The following RFC1 variants were observed in gnomAD, a reference collection of about 807,000 sequenced individuals.
The protein encoded by RFC1 is A1 140 kDa subunit.
In RFC1, 37 loss-of-function variants were observed where a neutral mutation model predicts 137.4. The observed-to-expected ratio is 0.27, with a 90% CI of 0.21 to 0.35. The LOEUF (loss-of-function observed/expected upper bound fraction) is 0.35. RFC1 is among the 10% of genes least tolerant of loss of function. The probability of loss-of-function intolerance (pLI) is 1.00; values close to 1 mark genes in which losing one functional copy is unlikely to be tolerated. For missense variants in RFC1, 1,205 were observed against 1,358.5 expected, an observed-to-expected ratio of 0.89 and a Z score of 1.78; for synonymous variants, 429 against 455.7, an observed-to-expected ratio of 0.94 and a Z score of 0.75.
intron 6 of RFC1, among the ~76,000 whole-genome samples, chr4:39,324,446 G>A (rs1478537460): frequency 6.6e-6 from 1 of 152,212 alleles, no homozygotes; most frequent in Non-Finnish European, 1.5e-5. Flanking sequence ...GGAGAAGTCA[G>A]GTTCCTAAAA....
At chr4:39,334,265 C>G (rs1430959619) in intron 4 of RFC1, among the ~76,000 whole-genome samples, 1 of 152,102 alleles carries the variant, frequency 6.6e-6, no homozygotes, top group Non-Finnish European at 1.5e-5. Flanking sequence ...ACAGGCATAT[C>G]TGAAAACACT....
chr4:39,295,778 C>T lies in RFC1; in HGVS notation c.2809-19G>A. 8 of 1,604,738 alleles carry T rather than the reference C, an allele frequency of 5.0e-6. No individual in the cohort carries two copies. The highest frequency in any genetic ancestry group is 6.8e-6 in the Non-Finnish European group (8 of 1,175,444). On this transcript the variant is annotated intron_variant, in intron 21 of 24. Coordinates refer to ENST00000349703, the MANE Select transcript of RFC1 (RefSeq NM_002913.5). Reference sequence around the variant, plus strand: ...AAATGGCCTGAAAAAAAATCAATTGCAGTCCAGAATTTATGTTCCGTACAA... The same window carrying T: ...AAATGGCCTGAAAAAAAATCAATTGTAGTCCAGAATTTATGTTCCGTACAA...
chr4:39,355,638 A>G (rs1741435215), intron 1 of RFC1, among the ~76,000 whole-genome samples: 1 of 152,260 alleles, frequency 6.6e-6, no homozygotes, highest in African/African-American at 2.4e-5. Flanking sequence ...TAGAAGACTG[A>G]TAATGCCCAT....
chr4:39,330,114 A>G (rs1042525659), intron 4 of RFC1, among the ~76,000 whole-genome samples: 3 of 152,156 alleles, frequency 2.0e-5, no homozygotes, highest in Non-Finnish European at 4.4e-5. Context: ...CACTGTATCA[A>G]TTTGGTATGC....
At chr4:39,366,125 C>T (rs1742014880) in intron 1 of RFC1, 114 bp downstream of exon 1, 8 of 1,211,034 alleles carry the variant, frequency 6.6e-6, no homozygotes, top group Non-Finnish European at 7.9e-6. Flanking sequence ...TGCTAGCCTC[C>T]GGAACCACCC....
At chr4:39,351,548 G>C in intron 1 of RFC1, 72 bp from the exon 2 acceptor site, 1 of 1,349,252 alleles carries the variant, frequency 7.4e-7, no homozygotes, top group Non-Finnish European at 9.9e-7. Flanking sequence ...TTGTAAGATG[G>C]GACAGCTTTA....
intron 21 of RFC1, among the ~76,000 whole-genome samples, chr4:39,296,409 C>T (rs1266996082): frequency 9.9e-6 from 1 of 100,924 alleles, no homozygotes; most frequent in African/African-American, 3.8e-5. Flanking sequence ...CCCCTCCCCC[C>T]ACCCCACCAC....
chr4:39,360,418 G>A (rs1382284612), intron 1 of RFC1, among the ~76,000 whole-genome samples: 2 of 152,026 alleles, frequency 1.3e-5, no homozygotes, highest in African/African-American at 4.8e-5. Flanking sequence ...CAAGCAAATC[G>A]CTTGAACCCA....
At chr4:39,319,483 T>C (rs188998905) in intron 9 of RFC1, among the ~76,000 whole-genome samples, 132 of 152,346 alleles carry the variant, frequency 8.7e-4, no homozygotes, top group African/African-American at 3.2e-3. Context: ...AGCTACCACA[T>C]GTAAAGTATT....
chr4:39,301,168 A>C (rs908579646), intron 19 of RFC1, among the ~76,000 whole-genome samples: 1 of 152,226 alleles, frequency 6.6e-6, no homozygotes, highest in African/African-American at 2.4e-5. Context: ...TACGTGAAAA[A>C]AGCCAACTGG....
At chr4:39,298,792 T>G (rs1346861452) in intron 21 of RFC1, among the ~76,000 whole-genome samples, 2 of 152,198 alleles carry the variant, frequency 1.3e-5, no homozygotes, top group East Asian at 3.8e-4. Context: ...ATGTGTCCAT[T>G]TACATTAAAA....
chr4:39,309,719 A>G (rs17288391), intron 12 of RFC1, among the ~76,000 whole-genome samples: 2,621 of 152,352 alleles, frequency 0.017, 39 homozygotes, highest in Middle Eastern at 0.041. Context: ...CAGGGTGAGG[A>G]AAATGTTCTG....
At chr4:39,318,968 C>T (rs1309966573) in intron 9 of RFC1, among the ~76,000 whole-genome samples, 1 of 152,150 alleles carries the variant, frequency 6.6e-6, no homozygotes, top group Non-Finnish European at 1.5e-5. Flanking sequence ...ATTCAGAGAC[C>T]GTTCGCTTCT....
At chr4:39,344,933 T>A (rs1740774101) in intron 3 of RFC1, among the ~76,000 whole-genome samples, 1 of 149,774 alleles carries the variant, frequency 6.7e-6, no homozygotes, top group Non-Finnish European at 1.5e-5. Flanking sequence ...TTTGAAATTT[T>A]ACTTGAGCAT....
At chr4:39,328,059 G>T (rs1168822810) in intron 4 of RFC1, among the ~76,000 whole-genome samples, 1 of 152,108 alleles carries the variant, frequency 6.6e-6, no homozygotes, top group Non-Finnish European at 1.5e-5. Context: ...TATAAACCCA[G>T]GAGGTTGAGG....
intron 2 of RFC1, among the ~76,000 whole-genome samples, chr4:39,346,530 T>C (rs1437889258): frequency 6.6e-6 from 1 of 151,942 alleles, no homozygotes; most frequent in East Asian, 1.9e-4. Context: ...TTATTATATA[T>C]TTTGTAGTTA....
chr4:39,327,481 G>C (rs769213681), intron 5 of RFC1, 43 bp downstream of exon 5: 22 of 1,224,976 alleles, frequency 1.8e-5, no homozygotes, highest in Non-Finnish European at 2.4e-5. Flanking sequence ...TTAGTGAATG[G>C]GTATAAATCC....
intron 21 of RFC1, 79 bp from the exon 22 acceptor site, chr4:39,295,838 G>C: frequency 7.3e-7 from 1 of 1,362,680 alleles, no homozygotes; most frequent in Non-Finnish European, 1.0e-6. Context: ...CTTCCAAACA[G>C]TCTACGGAAG....
At chr4:39,301,163 G>A (rs1738339717) in intron 19 of RFC1, among the ~76,000 whole-genome samples, 1 of 151,794 alleles carries the variant, frequency 6.6e-6, no homozygotes, top group African/African-American at 2.4e-5. Flanking sequence ...ATTACTACGT[G>A]AAAAAAGCCA....
Sources: allele counts gnomAD v4.1 joint callset (sites outside exome capture counted in the v4.1 genomes callset), GRCh38; gene constraint gnomAD v4.1.1; transcripts MANE v1.5; gene names NCBI Gene and HGNC (gene_info 2026-07-23, HGNC 2026-07-21).